The following ZFHX3 variants were observed in gnomAD, a reference collection of about 807,000 sequenced individuals.
ZFHX3 encodes zinc finger homeobox 3, also known as zinc finger homeobox protein 3.
A neutral mutation model predicts 279.1 loss-of-function variants in ZFHX3; 42 were observed. The observed-to-expected ratio is 0.15, with a 90% CI of 0.12 to 0.19. The LOEUF (loss-of-function observed/expected upper bound fraction) is 0.19, where lower values mean the gene tolerates loss of function less well. ZFHX3 is among the 10% of genes least tolerant of loss of function. ZFHX3 has a pLI of 1.00. For missense variants in ZFHX3, 4,981 were observed against 4,754.0 expected, an observed-to-expected ratio of 1.05 and a Z score of -1.40; for synonymous variants, 2,293 against 1,957.8, an observed-to-expected ratio of 1.17 and a Z score of -4.52.
intron 1 of ZFHX3, chr16:73,005,565 G>C (rs553060727): frequency 6.6e-6 from 1 of 152,366 alleles, no homozygotes; most frequent in African/African-American, 2.4e-5. Flanking sequence ...AGGCCGAGGC[G>C]GGCAGATTAC....
intron 1 of ZFHX3, among the ~76,000 whole-genome samples, chr16:73,695,764 C>G (rs376604979): frequency 6.6e-6 from 1 of 152,178 alleles, no homozygotes; most frequent in Non-Finnish European, 1.5e-5. Context: ...GCCTGGCTCA[C>G]AGCAGGTGCT....
At chr16:72,932,460 C>A (rs1453967123) in intron 3 of ZFHX3, among the ~76,000 whole-genome samples, 1 of 150,614 alleles carries the variant, frequency 6.6e-6, no homozygotes, top group Non-Finnish European at 1.5e-5. Context: ...TGGAGATATC[C>A]CTTTGGGAAA....
intron 2 of ZFHX3, among the ~76,000 whole-genome samples, chr16:73,660,686 T>C (rs1331177362): frequency 1.3e-5 from 2 of 152,206 alleles, no homozygotes; most frequent in Non-Finnish European, 2.9e-5. Context: ...AACGTGCTTT[T>C]GCATTTAAAT....
rs1474218829 is a variant in ZFHX3, at chr16:72,950,876, T to C, written c.2809A>G (p.Thr937Ala). The C allele has an allele frequency of 6.2e-7, 1 of 1,614,052 alleles. No individual in the cohort carries two copies. Among genetic ancestry groups the C allele is most frequent in the East Asian group, 2.2e-5 (1 of 44,880 alleles). ...LMNLGESFIQ[T>A]NDPSLKLFQC... ...AAGAGCTTCAGCGACGGGTCGTTGGTCTGGATGAAGCTCTCGCCCAGGTTC... is the reference window on the plus strand; with the variant it reads ...AAGAGCTTCAGCGACGGGTCGTTGGCCTGGATGAAGCTCTCGCCCAGGTTC... Residue 937 changes from threonine (T) to alanine (A), a missense_variant, in exon 3 of 10, where the codon ACC (threonine) becomes GCC (alanine). This residue lies in a region of ZFHX3 where 1,751 missense variants were observed against 1,770.0 expected (regional missense o/e 0.99). Transcript: ENST00000268489.
At chr16:73,249,426 A>T (rs974162613) in intron 5 of ZFHX3, among the ~76,000 whole-genome samples, 3 of 152,216 alleles carry the variant, frequency 2.0e-5, no homozygotes, top group Admixed American at 6.5e-5. Flanking sequence ...GAGGCCTTAC[A>T]ATCACGGCAG....
intron 7 of ZFHX3, among the ~76,000 whole-genome samples, chr16:73,098,388 G>A (rs1329574573): frequency 2.6e-5 from 4 of 151,662 alleles, no homozygotes; most frequent in African/African-American, 9.7e-5. Context: ...TTGAGATGGA[G>A]TTTTGCTCTC....
chr16:73,205,340 C>T (rs1168951941), intron 5 of ZFHX3, among the ~76,000 whole-genome samples: 4 of 152,158 alleles, frequency 2.6e-5, no homozygotes, highest in Non-Finnish European at 2.9e-5. Context: ...AGCTACTTGC[C>T]TGGGGTCATC....
intron 1 of ZFHX3, among the ~76,000 whole-genome samples, chr16:73,002,810 C>T (rs1425801304): frequency 2.0e-5 from 3 of 152,220 alleles, no homozygotes; most frequent in Non-Finnish European, 2.9e-5. Flanking sequence ...CAGGCCAGTG[C>T]TATTTAAGTG....
chr16:72,951,958 C>G (rs1355504516), intron 2 of ZFHX3, among the ~76,000 whole-genome samples: 1 of 152,186 alleles, frequency 6.6e-6, no homozygotes, highest in African/African-American at 2.4e-5. Flanking sequence ...AAGCAAAGAT[C>G]TGGGGAGTGG....
intron 1 of ZFHX3, among the ~76,000 whole-genome samples, chr16:73,755,725 T>G (rs113492494): frequency 6.6e-6 from 1 of 152,226 alleles, no homozygotes; most frequent in Non-Finnish European, 1.5e-5. Flanking sequence ...AAGCAAGAGC[T>G]TGGGGCTCAG....
chr16:72,798,095 T>C lies in ZFHX3; in HGVS notation c.4587A>G (p.Lys1529=), dbSNP rs1462278957. 1 of 1,614,234 alleles carries C rather than the reference T, an allele frequency of 6.2e-7. No individual in the cohort carries two copies. Among genetic ancestry groups the C allele is most frequent in the South Asian group, 1.1e-5 (1 of 91,090 alleles). The change falls in exon 9 of 10, where the codon AAA becomes AAG. Residue 1529 remains lysine (K), a synonymous_variant. Coordinates refer to ENST00000268489, the MANE Select transcript of ZFHX3 (RefSeq NM_006885.4). ...SEPKRALPFR[K]GPNFTMEKFL... Reference sequence around the variant, plus strand: ...ACTTTTCCATAGTAAAATTGGGACCTTTTCTGAAAGGCAGAGCTCTCTTTG... The same window carrying C: ...ACTTTTCCATAGTAAAATTGGGACCCTTTCTGAAAGGCAGAGCTCTCTTTG...
In ZFHX3 at chr16:73,110,368, G is replaced by A. The variant is rs151101959; in HGVS notation, c.-896-16770C>T. On this transcript the variant is annotated intron_variant, in intron 7 of 17. Transcript: ENST00000641206. ...TGAGTATGCCCTTTCCTTGGTCCTT[G>A]GATAATATAATTTTGTTTGTGACAA... is the stretch of plus-strand genomic sequence containing the variant. Among the ~76,000 whole-genome samples, 14 of 151,886 alleles carry A rather than the reference G, an allele frequency of 9.2e-5. No homozygotes were observed. The East Asian group carries it at 2.1e-3, about 23-fold the overall frequency.
intron 7 of ZFHX3, among the ~76,000 whole-genome samples, chr16:72,810,247 G>A (rs1248639843): frequency 4.7e-5 from 7 of 149,934 alleles, no homozygotes; most frequent in Non-Finnish European, 7.4e-5. Flanking sequence ...GTGCAGTAGC[G>A]CAATGTCAGC....
chr16:73,468,487 G>A (rs1350134742), intron 2 of ZFHX3, among the ~76,000 whole-genome samples: 1 of 152,204 alleles, frequency 6.6e-6, no homozygotes, highest in African/African-American at 2.4e-5. Flanking sequence ...TGTAGTCCCA[G>A]CACTTTGGGA....
At chr16:73,024,656 G>A (rs1333805553) in intron 1 of ZFHX3, among the ~76,000 whole-genome samples, 1 of 152,216 alleles carries the variant, frequency 6.6e-6, no homozygotes, top group African/African-American at 2.4e-5. Context: ...AAACCGCCAT[G>A]TGTCAGTCGG....
chr16:72,855,726 C>T (rs943156863), intron 4 of ZFHX3, among the ~76,000 whole-genome samples: 11 of 152,152 alleles, frequency 7.2e-5, no homozygotes, highest in Non-Finnish European at 1.3e-4. Context: ...GCCAGAGAAA[C>T]GCAGGGGTCC....
intron 2 of ZFHX3, among the ~76,000 whole-genome samples, chr16:73,477,791 A>G (rs983844625): frequency 7.2e-5 from 11 of 152,170 alleles, no homozygotes; most frequent in African/African-American, 2.7e-4. Flanking sequence ...GGAACAGAGT[A>G]ACAAAAGGGC....
intron 1 of ZFHX3, among the ~76,000 whole-genome samples, chr16:73,791,509 C>G (rs1959824301): frequency 1.3e-5 from 2 of 152,180 alleles, no homozygotes. Context: ...ACTGCGACCT[C>G]CGTCTCCCAG....
At chr16:73,595,620 A>G (rs892071890) in intron 2 of ZFHX3, among the ~76,000 whole-genome samples, 3 of 152,186 alleles carry the variant, frequency 2.0e-5, no homozygotes, top group Non-Finnish European at 2.9e-5. Flanking sequence ...ATCAATTACC[A>G]TAGATATACT....
Sources: allele counts gnomAD v4.1 joint callset (sites outside exome capture counted in the v4.1 genomes callset), GRCh38; gene constraint gnomAD v4.1.1; regional missense constraint gnomAD v4.1.1; transcripts MANE v1.5; gene names NCBI Gene and HGNC (gene_info 2026-07-23, HGNC 2026-07-21).